Variants in B4GALT1 observed in about 807,000 individuals in gnomAD.
The protein encoded by B4GALT1 is beta-1,4-galactosyltransferase 1, also known as N-acetyllactosamine synthase.
B4GALT1 carries 16 observed loss-of-function variants against 34.9 expected under a neutral mutation model. The observed-to-expected ratio is 0.46, with a 90% CI of 0.31 to 0.70. The LOEUF is 0.70. Among genes scored for constraint, B4GALT1 ranks in the 30% least tolerant of loss-of-function variants. The probability of loss-of-function intolerance (pLI) is 0.05; values close to 1 mark genes in which losing one functional copy is unlikely to be tolerated. For missense variants in B4GALT1, 445 were observed against 530.5 expected (o/e 0.84, Z 1.58); for synonymous variants, 221 against 218.1 (o/e 1.01, Z -0.12).
intron 2 of B4GALT1, among the ~76,000 whole-genome samples, chr9:33,127,981 C>T (rs1840137247): frequency 6.6e-6 from 1 of 152,150 alleles, no homozygotes; most frequent in Non-Finnish European, 1.5e-5. Context: ...ACATAGCCTC[C>T]CCCTGACCAG....
At chr9:33,127,688 C>T (rs75762499) in intron 2 of B4GALT1, among the ~76,000 whole-genome samples, 5,951 of 152,230 alleles carry the variant, frequency 0.039, 157 homozygotes, top group Non-Finnish European at 0.062. Context: ...TGGAATTCTA[C>T]GATCAACTAC....
intron 1 of B4GALT1, among the ~76,000 whole-genome samples, chr9:33,164,752 C>G (rs894096254): frequency 6.6e-6 from 1 of 152,156 alleles, no homozygotes; most frequent in Non-Finnish European, 1.5e-5. Flanking sequence ...TTTTGTTTAA[C>G]TTGCTAATTA....
chr9:33,113,352 C>T lies in B4GALT1; in HGVS notation c.*102G>A. The stretch of plus-strand genomic sequence containing the variant: ...AATGATGAGCGAAGGGGACCTGTCA[C>T]TCAGACTGGTAAAAATGAGAGGGAC... On this transcript the variant is annotated 3_prime_UTR_variant, in exon 6 of 6. Transcript: ENST00000379731. 1.3e-6 allele frequency: 2 copies of T among 1,550,518 alleles called. No homozygotes were observed. Among genetic ancestry groups the T allele is most frequent in the South Asian group, 1.1e-5 (1 of 89,172 alleles).
chr9:33,113,838 C>A lies in B4GALT1; in HGVS notation c.1000G>T (p.Val334Leu), dbSNP rs1379216670. Residue 334 changes from valine to leucine, a missense_variant, in exon 5 of 6, where the codon GTG (valine) becomes TTG (leucine). By Grantham distance (32) the Val-to-Leu change is conservative. Coordinates refer to ENST00000379731, the MANE Select transcript of B4GALT1 (RefSeq NM_001497.4). ...RGMSISRPNAVVGRCRMIRHS... is the reference protein window; with the variant it reads ...RGMSISRPNALVGRCRMIRHS... ...CGGATCATGCGACACCTCCCGACCA[C>A]AGCATTTGGGCGAGATATAGACATG... 6.2e-7 allele frequency: 1 copy of A among 1,614,210 alleles called. No individual in the cohort carries two copies. Among genetic ancestry groups the A allele is most frequent in the Admixed American group, 1.7e-5 (1 of 60,022 alleles).
chr9:33,157,811 CTG>C (rs969449213), intron 1 of B4GALT1, among the ~76,000 whole-genome samples: 1 of 152,062 alleles, frequency 6.6e-6, no homozygotes, highest in African/African-American at 2.4e-5. Flanking sequence ...ACAACTTATT[CTG>C]TGTTAGGCAC....
intron 1 of B4GALT1, among the ~76,000 whole-genome samples, chr9:33,148,540 C>T (rs1448879365): frequency 1.3e-5 from 2 of 152,142 alleles, no homozygotes; most frequent in African/African-American, 2.4e-5. Context: ...GTCCAGGAGT[C>T]CCTCATTACA....
At chr9:33,118,164 C>T (rs1052627423) in intron 3 of B4GALT1, among the ~76,000 whole-genome samples, 10 of 152,046 alleles carry the variant, frequency 6.6e-5, no homozygotes, top group Non-Finnish European at 8.8e-5. Context: ...AGGGTGAAAG[C>T]GGGGACGGAA....
exon 3 of B4GALT1, chr9:33,104,613 A>C: frequency 2.6e-6 from 1 of 379,224 alleles, no homozygotes; most frequent in South Asian, 1.9e-5. Context: ...AACCAGGCTG[A>C]GTCCTTATGA....
chr9:33,126,644 A>T (rs1840106183), intron 2 of B4GALT1, among the ~76,000 whole-genome samples: 1 of 152,262 alleles, frequency 6.6e-6, no homozygotes, highest in Non-Finnish European at 1.5e-5. Flanking sequence ...AACATTGTTA[A>T]CTATTGTTAA....
Position 33,150,047 on chromosome 9 carries a change from T to C in B4GALT1, c.413-14623A>G, listed in dbSNP as rs78815439. On this transcript the variant is annotated intron_variant, in intron 1 of 5. Coordinates refer to ENST00000379731, the MANE Select transcript of B4GALT1 (RefSeq NM_001497.4). Reference sequence around the variant, plus strand: ...ATGTTGATGTCCTGATTGTTAATTATACTATGTTTATATATATATTTTTAA... The same window carrying C: ...ATGTTGATGTCCTGATTGTTAATTACACTATGTTTATATATATATTTTTAA... Among the ~76,000 whole-genome samples, 1,779 of 152,166 alleles carry C rather than the reference T, an allele frequency of 0.012. 59 individuals carry two copies. In the East Asian group the frequency reaches 0.12, roughly 10 times the overall value.
the B4GALT1 span, among the ~76,000 whole-genome samples, chr9:33,184,380 C>T: frequency 6.6e-6 from 1 of 151,968 alleles, no homozygotes; most frequent in Non-Finnish European, 1.5e-5. Context: ...TAAGGGTGGA[C>T]TACTGTAATT....
intron 2 of B4GALT1, among the ~76,000 whole-genome samples, chr9:33,130,416 A>C (rs1289179232): frequency 6.6e-6 from 1 of 151,578 alleles, no homozygotes; most frequent in Non-Finnish European, 1.5e-5. Context: ...TCCACGTCTC[A>C]GAGTACAAGG....
At chr9:33,128,529 C>A (rs1840146145) in intron 2 of B4GALT1, among the ~76,000 whole-genome samples, 1 of 152,130 alleles carries the variant, frequency 6.6e-6, no homozygotes, top group African/African-American at 2.4e-5. Flanking sequence ...AGCAAAGGGG[C>A]AACACTCAAA....
the B4GALT1 span, among the ~76,000 whole-genome samples, chr9:33,182,071 A>G: frequency 1.3e-5 from 2 of 150,760 alleles, no homozygotes; most frequent in African/African-American, 4.9e-5. Flanking sequence ...TTTTTTGTGG[A>G]GACAAGGTCT....
chr9:33,142,023 G>A (rs1239316636), intron 1 of B4GALT1, among the ~76,000 whole-genome samples: 2 of 151,458 alleles, frequency 1.3e-5, no homozygotes, highest in Non-Finnish European at 2.9e-5. Flanking sequence ...TCACTCTGTC[G>A]CCAGGCTAGA....
At position 33,112,897 on chromosome 9, in the gene B4GALT1, A is replaced by G. The variant is rs2118008011; in HGVS notation, c.*557T>C. On this transcript the variant is annotated 3_prime_UTR_variant, in exon 6 of 6. Transcript: ENST00000379731. The stretch of plus-strand genomic sequence containing the variant: ...AAAAGGTCCAGGGCTCAAGTTTTAA[A>G]ATCCTTTTGCTAAGAAAAGACATAT... 1 of 171,538 alleles carries G rather than the reference A, an allele frequency of 5.8e-6. No individual in the cohort carries two copies. Among genetic ancestry groups the G allele is most frequent in the South Asian group, 1.3e-4 (1 of 7,536 alleles). 10.6% of individuals were successfully genotyped at this position (171,538 alleles called of 1,614,324 possible).
chr9:33,116,227 A>T, intron 3 of B4GALT1, 114 bp from the exon 4 acceptor site: 1 of 1,306,654 alleles, frequency 7.7e-7, no homozygotes, highest in East Asian at 2.9e-5. Flanking sequence ...TTGCTTCTCT[A>T]GAGTTTTTAT....
At chr9:33,117,215 C>T (rs570703211) in intron 3 of B4GALT1, among the ~76,000 whole-genome samples, 1 of 152,352 alleles carries the variant, frequency 6.6e-6, no homozygotes, top group South Asian at 2.1e-4. Context: ...CTGACTAGAA[C>T]ACTGGCCCTA....
chr9:33,128,728 C>T (rs764754177), intron 2 of B4GALT1, among the ~76,000 whole-genome samples: 3 of 152,128 alleles, frequency 2.0e-5, no homozygotes, highest in East Asian at 1.9e-4. Context: ...AATGGAAGGC[C>T]GGGATGGGGG....
Sources: gnomAD v4.1 joint callset for allele counts (sites outside exome capture counted in the v4.1 genomes callset) on GRCh38, gnomAD v4.1.1 for gene constraint, MANE v1.5 for transcripts, NCBI Gene and HGNC (gene_info 2026-07-23, HGNC 2026-07-21) for gene names.